The following PPP3CB variants were observed in gnomAD, a reference collection of about 807,000 sequenced individuals.
PPP3CB encodes serine/threonine-protein phosphatase 2B catalytic subunit beta isoform.
In PPP3CB, 8 loss-of-function variants were observed where a neutral mutation model predicts 66.4. That is an observed-to-expected ratio of 0.12 (90% CI 0.07 to 0.22). PPP3CB has a LOEUF of 0.22. Ranked by LOEUF, PPP3CB falls within the 10% of genes least tolerant of loss-of-function variation. PPP3CB has a pLI of 1.00. For synonymous variants in PPP3CB, 208 were observed against 221.2 expected (o/e 0.94, Z 0.53); for missense variants, 319 against 642.5 (o/e 0.50, Z 5.44).
intron 1 of PPP3CB, among the ~76,000 whole-genome samples, chr10:73,489,408 C>CAATAATAATAATAATAATAATAAT (rs10524475): frequency 0.029 from 4,396 of 149,852 alleles, 123 homozygotes; most frequent in African/African-American, 0.066. Flanking sequence ...TTAAAACCTT[C>CAATAATAATAATAATAATAATAAT]AATAATAATA....
intron 1 of PPP3CB, among the ~76,000 whole-genome samples, chr10:73,489,306 TG>T (rs1382611290): frequency 1.3e-5 from 2 of 152,140 alleles, no homozygotes; most frequent in African/African-American, 4.8e-5. Flanking sequence ...TTAGACAACC[TG>T]CTTTAAGCTT....
intron 1 of PPP3CB, among the ~76,000 whole-genome samples, chr10:73,482,258 G>A (rs996170671): frequency 2.7e-5 from 4 of 150,508 alleles, no homozygotes; most frequent in Admixed American, 6.6e-5. Flanking sequence ...AAAATGCTAC[G>A]TACTGGCTGG....
Position 73,450,091 on chromosome 10 carries a change from C to T in PPP3CB, c.1187-3518G>A, listed in dbSNP as rs576252065. 3.9e-5 allele frequency among the ~76,000 whole-genome samples: 6 copies of T among 152,330 alleles called. No individual in the cohort carries two copies. In the East Asian group the frequency reaches 9.7e-4, roughly 25 times the overall value. ...GGGATTACAGGCCTGAGCCACCGCG[C>T]CCGGCCATCTTAGCTTTAAATATAC... On this transcript the variant is annotated intron_variant, in intron 10 of 13. Transcript: ENST00000360663.
chr10:73,485,950 G>GTGTGTGTGTGTGTT, intron 1 of PPP3CB, among the ~76,000 whole-genome samples: 1 of 124,690 alleles, frequency 8.0e-6, no homozygotes, highest in East Asian at 3.0e-4. Context: ...GTGTGTGTGT[G>GTGTGTGTGTGTGTT]TATTTTTTTT....
At chr10:73,469,231 C>T (rs960766980) in intron 8 of PPP3CB, among the ~76,000 whole-genome samples, 1 of 152,250 alleles carries the variant, frequency 6.6e-6, no homozygotes, top group Admixed American at 6.5e-5. Context: ...AAATTTAACA[C>T]TTGGTTCTGT....
rs1260286948 is a variant in PPP3CB at position 73,479,336 on chromosome 10, T to A, written c.267A>T (p.Glu89Asp). The change falls in exon 2 of 14, where the codon GAA becomes GAT. Residue 89 changes from glutamate (E) to aspartate (D), a missense_variant. Transcript: ENST00000360663. ...GCTTACCTGTGATTGGAGCTTCTAC[T>A]TCTATCATGGTTTTCTCTCTCCGAA... ...AILRREKTMIEVEAPITVCGD... is the reference protein window; with the variant it reads ...AILRREKTMIDVEAPITVCGD... 4 of 1,613,968 alleles carry A rather than the reference T, an allele frequency of 2.5e-6. No individual in the cohort carries two copies. Among genetic ancestry groups the A allele is most frequent in the Non-Finnish European group, 3.4e-6 (4 of 1,179,944 alleles).
At position 73,438,161 on chromosome 10, in the gene PPP3CB, C is replaced by CAGG. The variant is rs2056095154; in HGVS notation, c.*80_*81insCCT. Reference sequence around the variant, plus strand: ...TCAGAGAGACTGTGAAATTTACAGTCAGCTTGGCCGACCCCTCCAGCTCCT... The same window carrying CAGG: ...TCAGAGAGACTGTGAAATTTACAGTCAGGAGCTTGGCCGACCCCTCCAGCTCCT... On this transcript the variant is annotated 3_prime_UTR_variant, in exon 14 of 14. Transcript: ENST00000360663. 3.7e-6 allele frequency: 5 copies of CAGG among 1,358,872 alleles called. No individual in the cohort carries two copies. The highest frequency in any genetic ancestry group is 5.1e-6 in the Non-Finnish European group (5 of 987,312). The allele number at this position is 1,358,872 out of a possible 1,614,324, so 84.2% of individuals were successfully genotyped here. A position where few individuals can be genotyped will look rare whatever the true frequency, so the allele number is the denominator to read the frequency against.
At chr10:73,481,786 T>G (rs1209318807) in intron 1 of PPP3CB, among the ~76,000 whole-genome samples, 3 of 150,824 alleles carry the variant, frequency 2.0e-5, no homozygotes, top group Admixed American at 6.6e-5. Context: ...TCTAAAAGAC[T>G]GAAATCACTA....
At chr10:73,495,196 A>G (rs966270070) in intron 1 of PPP3CB, among the ~76,000 whole-genome samples, 7 of 151,974 alleles carry the variant, frequency 4.6e-5, no homozygotes, top group Non-Finnish European at 1.0e-4. Flanking sequence ...CCCTTTCTGC[A>G]CTATAAAGGC....
intron 9 of PPP3CB, among the ~76,000 whole-genome samples, chr10:73,459,763 G>A (rs1361177008): frequency 6.6e-6 from 1 of 152,186 alleles, no homozygotes; most frequent in Non-Finnish European, 1.5e-5. Context: ...GTGAATCTAT[G>A]GGGACAGCAG....
chr10:73,471,699 T>C, intron 4 of PPP3CB, 86 bp from the exon 5 acceptor site: 1 of 1,069,736 alleles, frequency 9.3e-7, no homozygotes. Flanking sequence ...TTTTTATTTC[T>C]TGTTCTCTCC....
At chr10:73,461,399 A>C (rs918938683) in intron 9 of PPP3CB, among the ~76,000 whole-genome samples, 1 of 152,130 alleles carries the variant, frequency 6.6e-6, no homozygotes, top group African/African-American at 2.4e-5. Context: ...GTGAGCAAAG[A>C]ACACACCACT....
intron 12 of PPP3CB, among the ~76,000 whole-genome samples, chr10:73,443,304 G>GAA (rs903274883): frequency 7.4e-6 from 1 of 134,742 alleles, no homozygotes; most frequent in Non-Finnish European, 1.6e-5. Context: ...AAGAAAGAAA[G>GAA]AAAGAAAGAA....
At chr10:73,459,246 T>G (rs2056481240) in intron 9 of PPP3CB, among the ~76,000 whole-genome samples, 3 of 152,174 alleles carry the variant, frequency 2.0e-5, no homozygotes, top group Admixed American at 1.3e-4. Flanking sequence ...CCCAGCACTT[T>G]GGGAGGCCGA....
chr10:73,462,820 T>C (rs1394087709), intron 9 of PPP3CB, among the ~76,000 whole-genome samples: 1 of 151,518 alleles, frequency 6.6e-6, no homozygotes, highest in East Asian at 1.9e-4. Context: ...TGTGGTGACA[T>C]GCACCTGTAA....
At position 73,437,143 on chromosome 10, in the gene PPP3CB, T is replaced by C. The variant is rs899260849; in HGVS notation, c.*1099A>G. The C allele has an allele frequency of 6.5e-6, 1 of 152,704 alleles. No individual in the cohort carries two copies. Among genetic ancestry groups the C allele is most frequent in the Non-Finnish European group, 1.5e-5 (1 of 68,058 alleles). The allele number at this position is 152,704 out of a possible 1,614,324, so 9.5% of individuals were successfully genotyped here. On this transcript the variant is annotated 3_prime_UTR_variant, in exon 14 of 14. Transcript: ENST00000360663. ...TTTCAACATGCAGTCTTGACTTTTA[T>C]GCTTCCACTAACATCTGAATGATTG...
chr10:73,459,330 A>AC (rs2056482775), intron 9 of PPP3CB, among the ~76,000 whole-genome samples: 2 of 151,648 alleles, frequency 1.3e-5, no homozygotes, highest in African/African-American at 4.8e-5. Context: ...TACTAAAAAT[A>AC]TAAAAATTAG....
At chr10:73,443,030 A>C (rs1248352251) in intron 12 of PPP3CB, among the ~76,000 whole-genome samples, 1 of 151,130 alleles carries the variant, frequency 6.6e-6, no homozygotes, top group Non-Finnish European at 1.5e-5. Context: ...AAAAAATAAA[A>C]AATAAAAAAA....
chr10:73,485,908 TTGTG>T (rs57190155), intron 1 of PPP3CB, among the ~76,000 whole-genome samples: 4,597 of 121,272 alleles, frequency 0.038, 125 homozygotes, highest in Non-Finnish European at 0.053. Flanking sequence ...ACCTGGCTAA[TTGTG>T]TGTGTGTGTG....
Sources: allele counts gnomAD v4.1 joint callset (sites outside exome capture counted in the v4.1 genomes callset), GRCh38; gene constraint gnomAD v4.1.1; transcripts MANE v1.5; gene names NCBI Gene and HGNC (gene_info 2026-07-23, HGNC 2026-07-21).